VPS13B: variants seen among roughly 807,000 people sequenced by gnomAD.
VPS13B encodes the protein vacuolar protein sorting 13 homolog B.
In VPS13B, 285 loss-of-function variants were observed where a neutral mutation model predicts 426.4. That is an observed-to-expected ratio of 0.67 (90% CI 0.61 to 0.74). The LOEUF is 0.74. VPS13B is among the 30% of genes least tolerant of loss of function. The pLI is 0.00. For synonymous variants in VPS13B, 1,676 were observed against 1,676.4 expected (o/e 1.00, Z 0.01); for missense variants, 4,537 against 4,782.6 (o/e 0.95, Z 1.51).
intron 3 of VPS13B, among the ~76,000 whole-genome samples, chr8:99,045,040 T>C (rs774007465): frequency 3.8e-4 from 58 of 152,276 alleles, no homozygotes; most frequent in Non-Finnish European, 7.2e-4. Flanking sequence ...CTTTTTTGTA[T>C]AATGACTTCT....
chr8:99,481,679 T>A lies in VPS13B; in HGVS notation c.3747T>A (p.Ser1249=), dbSNP rs765728717. ...KIQKRGNLNL[S]PTSPETMAGP... ...AGAAGAGAGGCAATCTCAACCTATC[T>A]CCAACCTCTCCAGAGACCATGGCAG... The change falls in exon 25 of 62, where the codon TCT becomes TCA. Residue 1249 remains serine, a synonymous_variant. Coordinates refer to ENST00000357162, the MANE Select transcript of VPS13B (RefSeq NM_152564.5). The A allele has an allele frequency of 1.2e-6, 2 of 1,614,030 alleles. No homozygotes were observed. Among genetic ancestry groups the A allele is most frequent in the East Asian group, 2.2e-5 (1 of 44,872 alleles).
At chr8:99,371,877 T>C (rs1025880086) in intron 19 of VPS13B, among the ~76,000 whole-genome samples, 3 of 152,236 alleles carry the variant, frequency 2.0e-5, no homozygotes, top group Admixed American at 2.0e-4. Context: ...TCAAGATGGA[T>C]TAAAGACTTA....
chr8:99,146,370 A>G (rs1810729322), intron 13 of VPS13B, among the ~76,000 whole-genome samples: 1 of 152,112 alleles, frequency 6.6e-6, no homozygotes, highest in South Asian at 2.1e-4. Context: ...TGAGTCCTCT[A>G]GTTTGTTTTC....
chr8:99,726,317 A>C (rs1833348888), intron 39 of VPS13B, among the ~76,000 whole-genome samples: 1 of 152,196 alleles, frequency 6.6e-6, no homozygotes. Flanking sequence ...CTGTTAGATA[A>C]AGTAATGCCA....
chr8:99,017,341 A>T lies in VPS13B; in HGVS notation c.147+3406A>T, dbSNP rs72668486. Among the ~76,000 whole-genome samples, 1,328 of 152,156 alleles carry T rather than the reference A, an allele frequency of 8.7e-3. 8 individuals are homozygous for T. The highest frequency in any genetic ancestry group is 0.014 in the Non-Finnish European group (927 of 67,990). Reference sequence around the variant, plus strand: ...AACTCTTTATTCTATTGAGTGGTCTATTTGTCTATTCTTGTGTCACTCCAT... The same window carrying T: ...AACTCTTTATTCTATTGAGTGGTCTTTTTGTCTATTCTTGTGTCACTCCAT... On this transcript the variant is annotated intron_variant, in intron 2 of 61. Coordinates refer to ENST00000357162, the MANE Select transcript of VPS13B (RefSeq NM_152564.5).
At chr8:99,583,623 C>T (rs1826177996) in intron 33 of VPS13B, among the ~76,000 whole-genome samples, 1 of 152,008 alleles carries the variant, frequency 6.6e-6, no homozygotes, top group African/African-American at 2.4e-5. Context: ...AAAAATTCTC[C>T]AAGACATTCT....
chr8:99,551,533 A>G (rs1824283358), intron 30 of VPS13B, among the ~76,000 whole-genome samples: 1 of 151,824 alleles, frequency 6.6e-6, no homozygotes, highest in South Asian at 2.1e-4. Context: ...GGTGCTTTCT[A>G]CTTGCCCAAC....
intron 19 of VPS13B, among the ~76,000 whole-genome samples, chr8:99,303,532 G>T (rs1462592101): frequency 6.6e-6 from 1 of 151,094 alleles, no homozygotes; most frequent in Non-Finnish European, 1.5e-5. Context: ...GTAGTAACAA[G>T]ATTTTGAAGC....
intron 16 of VPS13B, among the ~76,000 whole-genome samples, chr8:99,186,710 A>T (rs888423737): frequency 4.3e-4 from 66 of 152,158 alleles, no homozygotes; most frequent in African/African-American, 1.6e-3. Context: ...TTACAGCTGA[A>T]AAATAAACCA....
At chr8:99,649,607 G>GT (rs1210820838) in intron 34 of VPS13B, among the ~76,000 whole-genome samples, 1 of 148,884 alleles carries the variant, frequency 6.7e-6, no homozygotes, top group Non-Finnish European at 1.5e-5. Flanking sequence ...TGCCACCACT[G>GT]TAACAGTCCC....
chr8:99,228,346 A>C (rs1816129345), intron 17 of VPS13B, among the ~76,000 whole-genome samples: 1 of 152,230 alleles, frequency 6.6e-6, no homozygotes, highest in Admixed American at 6.5e-5. Flanking sequence ...AGTTGAAAAG[A>C]AATTTAATGA....
intron 14 of VPS13B, among the ~76,000 whole-genome samples, chr8:99,148,512 T>C (rs1282046396): frequency 1.3e-5 from 2 of 152,188 alleles, no homozygotes; most frequent in African/African-American, 4.8e-5. Flanking sequence ...AACTTAATCT[T>C]GAGAGTGTAT....
intron 17 of VPS13B, among the ~76,000 whole-genome samples, chr8:99,232,453 C>G (rs1402390779): frequency 1.3e-5 from 2 of 152,056 alleles, no homozygotes; most frequent in South Asian, 2.1e-4. Flanking sequence ...AAGCTCCTCT[C>G]TACACCGTGA....
rs769404310 is a variant in VPS13B at position 99,819,525 on chromosome 8, A to G, written c.8735A>G (p.Tyr2912Cys). ...GTTAATCAGATCCTTGACGAATTCT[A>G]TGGGCCAGAAAAGTCGCTTCAACCC... Reference protein sequence around the residue: ...GTVNQILDEFYGPEKSLQPIW... With the variant: ...GTVNQILDEFCGPEKSLQPIW... Residue 2912 changes from tyrosine (Y) to cysteine (C), a missense_variant, in exon 48 of 62, where the codon TAT becomes TGT. By Grantham distance (194) the Tyr-to-Cys change is radical (BLOSUM62 -2). This residue lies in a region of VPS13B where 4,311 missense variants were observed against 4,474.3 expected (regional missense o/e 0.96). Transcript: ENST00000357162. The G allele has an allele frequency of 7.4e-6, 12 of 1,613,780 alleles. No individual in the cohort carries two copies. The highest frequency in any genetic ancestry group is 1.6e-4 in the Middle Eastern group (1 of 6,082).
intron 17 of VPS13B, among the ~76,000 whole-genome samples, chr8:99,245,033 CATT>C (rs1185373411): frequency 6.6e-6 from 1 of 152,214 alleles, no homozygotes; most frequent in Admixed American, 6.5e-5. Flanking sequence ...GATTTATTCT[CATT>C]GTTGGCTCTC....
intron 23 of VPS13B, among the ~76,000 whole-genome samples, chr8:99,444,924 T>C (rs2133445862): frequency 6.6e-6 from 1 of 152,162 alleles, no homozygotes; most frequent in South Asian, 2.1e-4. Context: ...ACTGGGATTA[T>C]AGGTATTAGT....
intron 39 of VPS13B, among the ~76,000 whole-genome samples, chr8:99,754,644 C>G (rs1226469452): frequency 6.6e-6 from 1 of 152,152 alleles, no homozygotes; most frequent in Admixed American, 6.5e-5. Flanking sequence ...ACTTACTCTC[C>G]TCCAGCCATC....
rs1335546508 is a variant in VPS13B at position 99,146,973 on chromosome 8, C to T, written c.1844-868C>T. On this transcript the variant is annotated intron_variant, in intron 13 of 61. Coordinates refer to ENST00000357162, the MANE Select transcript of VPS13B (RefSeq NM_152564.5). ...AACTGTTTTATGAGGTTGTCTTAGA[C>T]CCAGATTCCTTCTATTTTATTGTTC... Among the ~76,000 whole-genome samples, 4 of 152,182 alleles carry T rather than the reference C, an allele frequency of 2.6e-5. No homozygotes were observed. In the East Asian group the frequency reaches 7.7e-4, roughly 29 times the overall value.
At chr8:99,309,516 G>T (rs1041335210) in intron 19 of VPS13B, among the ~76,000 whole-genome samples, 8 of 152,060 alleles carry the variant, frequency 5.3e-5, no homozygotes, top group African/African-American at 1.9e-4. Context: ...ATTTCTGAGG[G>T]CTCTGTTCTG....
Sources: gnomAD v4.1 joint callset for allele counts (sites outside exome capture counted in the v4.1 genomes callset) on GRCh38, gnomAD v4.1.1 for gene constraint, gnomAD v4.1.1 regional missense constraint, MANE v1.5 for transcripts, NCBI Gene and HGNC (gene_info 2026-07-23, HGNC 2026-07-21) for gene names.